The following CNTNAP2 variants were observed in gnomAD, a reference collection of about 807,000 sequenced individuals.
The protein encoded by CNTNAP2 is contactin associated protein 2.
A neutral mutation model predicts 155.2 loss-of-function variants in CNTNAP2; 98 were observed. The ratio of observed to expected loss-of-function variants is 0.63; its 90% CI spans 0.54 to 0.75. The LOEUF is 0.75. CNTNAP2 is among the 30% of genes least tolerant of loss of function. The pLI is 0.00. For missense variants in CNTNAP2, 1,727 were observed against 1,688.1 expected (o/e 1.02, Z -0.40); for synonymous variants, 651 against 631.2 (o/e 1.03, Z -0.47).
intron 13 of CNTNAP2, among the ~76,000 whole-genome samples, chr7:147,712,877 A>G (rs550853503): frequency 6.6e-6 from 1 of 152,206 alleles, no homozygotes; most frequent in African/African-American, 2.4e-5. Flanking sequence ...CATGTACCCT[A>G]AAACTTAAAG....
intron 13 of CNTNAP2, among the ~76,000 whole-genome samples, chr7:147,823,105 T>C (rs532722825): frequency 3.9e-4 from 60 of 152,324 alleles, no homozygotes; most frequent in Admixed American, 9.2e-4. Flanking sequence ...TTTAACTATA[T>C]GGAAAATTGT....
At chr7:147,065,200 G>A (rs547661763) in intron 4 of CNTNAP2, among the ~76,000 whole-genome samples, 1 of 152,248 alleles carries the variant, frequency 6.6e-6, no homozygotes, top group South Asian at 2.1e-4. Flanking sequence ...TATGTAAGGT[G>A]AATGTGATAA....
At chr7:147,919,878 T>C (rs971050736) in intron 14 of CNTNAP2, among the ~76,000 whole-genome samples, 3 of 151,436 alleles carry the variant, frequency 2.0e-5, no homozygotes, top group African/African-American at 7.2e-5. Flanking sequence ...TGAGCCACCG[T>C]GCCCGGCCAC....
chr7:147,063,102 G>A (rs1799713611), intron 4 of CNTNAP2, among the ~76,000 whole-genome samples: 1 of 152,150 alleles, frequency 6.6e-6, no homozygotes, highest in African/African-American at 2.4e-5. Flanking sequence ...CTCCCTGAAA[G>A]AGGAAACGGC....
At chr7:146,403,561 A>G (rs763768310) in intron 1 of CNTNAP2, among the ~76,000 whole-genome samples, 3 of 152,210 alleles carry the variant, frequency 2.0e-5, no homozygotes, top group Admixed American at 6.5e-5. Context: ...AAGTTGATCA[A>G]TAATGAGCTG....
rs78492554 is a variant in CNTNAP2 at position 146,291,311 on chromosome 7, G to A, written c.97+174338G>A. Reference sequence around the variant, plus strand: ...CAAATTCAGCTAGGTGCTTTTTTGCGTAGCCCTTGAGCTAAAAATGATTTT... The same window carrying A: ...CAAATTCAGCTAGGTGCTTTTTTGCATAGCCCTTGAGCTAAAAATGATTTT... On this transcript the variant is annotated intron_variant, in intron 1 of 23. Coordinates refer to ENST00000361727, the MANE Select transcript of CNTNAP2 (RefSeq NM_014141.6). Among the ~76,000 whole-genome samples, 486 of 152,200 alleles carry A rather than the reference G, an allele frequency of 3.2e-3. 3 individuals are homozygous for A. The highest frequency in any genetic ancestry group is 5.2e-3 in the Non-Finnish European group (352 of 67,996).
chr7:147,963,995 C>A (rs1801161598), intron 14 of CNTNAP2, among the ~76,000 whole-genome samples: 3 of 152,052 alleles, frequency 2.0e-5, no homozygotes, highest in Admixed American at 2.0e-4. Context: ...ATCTATTAAG[C>A]CCTAACTCCC....
At chr7:146,628,409 A>G (rs1799456182) in intron 1 of CNTNAP2, among the ~76,000 whole-genome samples, 1 of 152,124 alleles carries the variant, frequency 6.6e-6, no homozygotes, top group South Asian at 2.1e-4. Context: ...AATTAAATAG[A>G]GATGTTTAAG....
chr7:147,032,946 T>C (rs1037105004), intron 3 of CNTNAP2, among the ~76,000 whole-genome samples: 8 of 151,764 alleles, frequency 5.3e-5, no homozygotes, highest in African/African-American at 1.7e-4. Context: ...CCCTAAAGAA[T>C]AAAGAGAAGG....
At chr7:146,935,015 C>A (rs1412921635) in intron 3 of CNTNAP2, among the ~76,000 whole-genome samples, 1 of 152,152 alleles carries the variant, frequency 6.6e-6, no homozygotes, top group Non-Finnish European at 1.5e-5. Context: ...CTTTAAGAAA[C>A]TTTTGATTTA....
intron 21 of CNTNAP2, among the ~76,000 whole-genome samples, chr7:148,332,777 C>T (rs557754233): frequency 6.6e-6 from 1 of 152,168 alleles, no homozygotes; most frequent in Non-Finnish European, 1.5e-5. Context: ...GGCTGTTTGT[C>T]CTTTTTTGAA....
intron 12 of CNTNAP2, among the ~76,000 whole-genome samples, chr7:147,608,622 A>G (rs1801120335): frequency 6.6e-6 from 1 of 152,142 alleles, no homozygotes; most frequent in Non-Finnish European, 1.5e-5. Flanking sequence ...TTTCAAATGG[A>G]TGTTTTATAG....
intron 1 of CNTNAP2, among the ~76,000 whole-genome samples, chr7:146,166,781 G>A (rs1468694529): frequency 1.3e-5 from 2 of 152,200 alleles, no homozygotes; most frequent in African/African-American, 4.8e-5. Flanking sequence ...ACACAGTGGA[G>A]CAAATCTTTC....
intron 1 of CNTNAP2, among the ~76,000 whole-genome samples, chr7:146,633,686 G>A (rs757052537): frequency 2.0e-5 from 3 of 151,860 alleles, no homozygotes; most frequent in Non-Finnish European, 2.9e-5. Context: ...AAAACTAGCC[G>A]GGCATGATGG....
At chr7:146,839,063 C>A (rs796291435) in intron 2 of CNTNAP2, among the ~76,000 whole-genome samples, 4 of 152,038 alleles carry the variant, frequency 2.6e-5, no homozygotes, top group African/African-American at 7.2e-5. Flanking sequence ...TTATATTTTG[C>A]CAAAAGAGAT....
chr7:147,851,500 T>C (rs1171747053), intron 13 of CNTNAP2, among the ~76,000 whole-genome samples: 3 of 151,996 alleles, frequency 2.0e-5, no homozygotes, highest in Non-Finnish European at 2.9e-5. Context: ...CTATTCACAA[T>C]AGCAAAGACT....
chr7:147,326,334 C>G (rs897951028), intron 9 of CNTNAP2, among the ~76,000 whole-genome samples: 2 of 152,170 alleles, frequency 1.3e-5, no homozygotes, highest in African/African-American at 4.8e-5. Context: ...CATCACGTTT[C>G]TTTAGGATCC....
At chr7:146,334,300 A>G (rs764643536) in intron 1 of CNTNAP2, among the ~76,000 whole-genome samples, 3 of 152,014 alleles carry the variant, frequency 2.0e-5, no homozygotes, top group Non-Finnish European at 2.9e-5. Flanking sequence ...GCGTGGTGGC[A>G]GGCGCCTGTA....
At chr7:146,780,197 T>TA (rs1402654566) in intron 2 of CNTNAP2, among the ~76,000 whole-genome samples, 1 of 151,886 alleles carries the variant, frequency 6.6e-6, no homozygotes, top group Non-Finnish European at 1.5e-5. Flanking sequence ...CTGACTGTTT[T>TA]TTTTTTGAGA....
Sources: allele counts gnomAD v4.1 joint callset (sites outside exome capture counted in the v4.1 genomes callset), GRCh38; gene constraint gnomAD v4.1.1; transcripts MANE v1.5; gene names NCBI Gene and HGNC (gene_info 2026-07-23, HGNC 2026-07-21).